Variants in MAST4 observed in about 807,000 individuals in gnomAD.
MAST4 encodes the protein microtubule associated serine/threonine kinase family member 4.
MAST4 carries 89 observed loss-of-function variants against 162.7 expected under a neutral mutation model. The observed-to-expected ratio is 0.55, with a 90% CI of 0.46 to 0.65. MAST4 has a LOEUF of 0.65. Ranked by LOEUF, MAST4 falls within the 30% of genes least tolerant of loss-of-function variation. MAST4 has a pLI of 0.00. For missense variants in MAST4, 3,153 were observed against 3,374.0 expected (o/e 0.93, Z 1.62); for synonymous variants, 1,479 against 1,361.1 (o/e 1.09, Z -1.91).
At chr5:66,995,199 C>T (rs1469138157) in intron 4 of MAST4, among the ~76,000 whole-genome samples, 1 of 152,110 alleles carries the variant, frequency 6.6e-6, no homozygotes, top group Non-Finnish European at 1.5e-5. Flanking sequence ...ATTTCCAAGA[C>T]TCATAGAGCT....
intron 3 of MAST4, among the ~76,000 whole-genome samples, chr5:66,875,398 C>G (rs910484864): frequency 5.9e-5 from 9 of 152,108 alleles, no homozygotes; most frequent in African/African-American, 2.2e-4. Flanking sequence ...ATCTTTGGTC[C>G]TAACTAAAAT....
intron 1 of MAST4, among the ~76,000 whole-genome samples, chr5:66,723,251 C>A (rs1651895994): frequency 6.6e-6 from 1 of 152,096 alleles, no homozygotes; most frequent in African/African-American, 2.4e-5. Flanking sequence ...GTTAGTTGAC[C>A]ATTTCTCAGT....
At chr5:66,643,499 A>G (rs751286956) in intron 1 of MAST4, among the ~76,000 whole-genome samples, 3 of 152,166 alleles carry the variant, frequency 2.0e-5, no homozygotes, top group Admixed American at 6.6e-5. Context: ...AACAAAATCA[A>G]TATTTGAGAG....
intron 3 of MAST4, among the ~76,000 whole-genome samples, chr5:66,796,418 G>T (rs1447814344): frequency 6.6e-6 from 1 of 152,026 alleles, no homozygotes. Flanking sequence ...ATTTTGCAGA[G>T]GTTAAAAAAT....
chr5:67,044,860 T>G (rs562685091), intron 4 of MAST4, among the ~76,000 whole-genome samples: 2 of 152,296 alleles, frequency 1.3e-5, no homozygotes, highest in East Asian at 3.9e-4. Flanking sequence ...TGCTCCCTCT[T>G]TTAATTAGAC....
chr5:66,717,548 T>C (rs865974394), intron 1 of MAST4, among the ~76,000 whole-genome samples: 9 of 152,160 alleles, frequency 5.9e-5, no homozygotes, highest in Non-Finnish European at 7.3e-5. Context: ...GGCAGTCCCT[T>C]GGGGTTACAA....
chr5:66,912,874 C>G (rs925533798), intron 4 of MAST4, among the ~76,000 whole-genome samples: 2 of 152,042 alleles, frequency 1.3e-5, no homozygotes, highest in African/African-American at 4.8e-5. Context: ...TAAGTCTTTC[C>G]CTCCCAACAC....
chr5:66,657,062 T>C (rs1053992456), intron 1 of MAST4, among the ~76,000 whole-genome samples: 1 of 152,238 alleles, frequency 6.6e-6, no homozygotes, highest in African/African-American at 2.4e-5. Context: ...ACCCTGTTTC[T>C]GAGAAGATTC....
At chr5:66,980,295 A>G (rs1748633465) in intron 4 of MAST4, among the ~76,000 whole-genome samples, 1 of 152,206 alleles carries the variant, frequency 6.6e-6, no homozygotes, top group South Asian at 2.1e-4. Context: ...TTCATCACTT[A>G]TACCCACCTC....
chr5:66,657,447 A>G (rs1746625506), intron 1 of MAST4, among the ~76,000 whole-genome samples: 1 of 152,212 alleles, frequency 6.6e-6, no homozygotes, highest in Non-Finnish European at 1.5e-5. Context: ...TTCTATCCTA[A>G]TATTGCTTAG....
At chr5:66,726,467 A>G (rs546141852) in intron 1 of MAST4, among the ~76,000 whole-genome samples, 1 of 152,260 alleles carries the variant, frequency 6.6e-6, no homozygotes, top group East Asian at 1.9e-4. Flanking sequence ...CTGAGCAGTT[A>G]TTGAGGCTGG....
At chr5:66,908,484 T>C (rs1384631309) in intron 4 of MAST4, among the ~76,000 whole-genome samples, 1 of 152,130 alleles carries the variant, frequency 6.6e-6, no homozygotes, top group Non-Finnish European at 1.5e-5. Context: ...TCAAGGTGAA[T>C]CTAAAATGCC....
chr5:66,784,519 TA>T (rs1487687845), intron 2 of MAST4, among the ~76,000 whole-genome samples: 10 of 152,154 alleles, frequency 6.6e-5, no homozygotes, highest in Admixed American at 2.6e-4. Flanking sequence ...TTTAAAATAA[TA>T]AAATATGACA....
At chr5:66,795,946 A>G (rs908943145) in intron 3 of MAST4, among the ~76,000 whole-genome samples, 7 of 152,228 alleles carry the variant, frequency 4.6e-5, no homozygotes, top group African/African-American at 9.6e-5. Flanking sequence ...GGAGTAATAC[A>G]TCTCATAGTT....
intron 20 of MAST4, 57 bp from the exon 21 acceptor site, chr5:67,142,364 A>G: frequency 6.6e-7 from 1 of 1,512,304 alleles, no homozygotes; most frequent in Non-Finnish European, 9.0e-7. Context: ...CATAATTAAA[A>G]TATCTAAATG....
At chr5:66,734,513 T>G (rs1021649977) in intron 1 of MAST4, among the ~76,000 whole-genome samples, 1 of 152,224 alleles carries the variant, frequency 6.6e-6, no homozygotes, top group African/African-American at 2.4e-5. Flanking sequence ...TAGAAGAACT[T>G]AGCCGAAAAT....
In MAST4 at chr5:66,852,143, A is replaced by G. The variant is rs143911472; in HGVS notation, c.643-47808A>G. Among the ~76,000 whole-genome samples the G allele has an allele frequency of 1.9e-3, 293 of 152,236 alleles. 1 individual carries two copies. Among genetic ancestry groups the G allele is most frequent in the Middle Eastern group, 6.8e-3 (2 of 294 alleles). ...GCTGTAATCCTCAAAATAGCTAGGC[A>G]TTATTAACTCCTTTTTCTTTTTGAG... On this transcript the variant is annotated intron_variant, in intron 3 of 28. Coordinates refer to ENST00000403625, the MANE Select transcript of MAST4 (RefSeq NM_001164664.2).
intron 1 of MAST4, among the ~76,000 whole-genome samples, chr5:66,613,361 G>GTC (rs1743426238): frequency 7.3e-6 from 1 of 136,310 alleles, no homozygotes; most frequent in African/African-American, 2.8e-5. Flanking sequence ...GGATAGCATT[G>GTC]TCTTCCTCTG....
At chr5:66,700,078 T>C (rs938654180) in intron 1 of MAST4, among the ~76,000 whole-genome samples, 1 of 152,230 alleles carries the variant, frequency 6.6e-6, no homozygotes. Context: ...CCCAGTGTCT[T>C]CTGCTCTGTG....
Sources: allele counts gnomAD v4.1 joint callset (sites outside exome capture counted in the v4.1 genomes callset), GRCh38; gene constraint gnomAD v4.1.1; transcripts MANE v1.5; gene names NCBI Gene and HGNC (gene_info 2026-07-23, HGNC 2026-07-21).